Variants in ARNT observed in about 807,000 individuals in gnomAD.
The protein encoded by ARNT is class E basic helix-loop-helix protein 2.
A neutral mutation model predicts 105.0 loss-of-function variants in ARNT; 30 were observed. The observed-to-expected ratio is 0.29, with a 90% CI of 0.21 to 0.39. The LOEUF (loss-of-function observed/expected upper bound fraction) is 0.39. ARNT is among the 10% of genes least tolerant of loss of function. The pLI is 1.00. For synonymous variants in ARNT, 304 were observed against 344.0 expected (o/e 0.88, Z 1.29); for missense variants, 748 against 978.7 (o/e 0.76, Z 3.15).
chr1:150,817,803 A>T, intron 15 of ARNT, 117 bp downstream of exon 15: 6 of 804,470 alleles, frequency 7.5e-6, no homozygotes, highest in Non-Finnish European at 1.1e-5. Flanking sequence ...ATGAGAGCAA[A>T]ACTCCTTCTC....
intron 2 of ARNT, 83 bp from the exon 3 acceptor site, chr1:150,852,889 CG>C (rs1196902557): frequency 3.3e-6 from 5 of 1,507,766 alleles, no homozygotes; most frequent in Non-Finnish European, 3.7e-6. Flanking sequence ...CACAAGCTAC[CG>C]GAACACCCAC....
At chr1:150,851,209 C>G (rs1459089582) in intron 3 of ARNT, among the ~76,000 whole-genome samples, 2 of 149,396 alleles carry the variant, frequency 1.3e-5, no homozygotes, top group Middle Eastern at 3.3e-3. Context: ...GGCCAGCCCC[C>G]GCCCGGCCAG....
At position 150,843,849 on chromosome 1, in the gene ARNT, A is replaced by G. The variant is rs755353089; in HGVS notation, c.228-1381T>C. On this transcript the variant is annotated intron_variant, in intron 4 of 21. Transcript: ENST00000358595. ...TAAGACCCTCTATATCCCAAGGAGG[A>G]TATGTGAGGGGCACTACCTTAACAC... Among the ~76,000 whole-genome samples the G allele has an allele frequency of 2.6e-5, 4 of 152,280 alleles. No homozygotes were observed. In the South Asian group the frequency reaches 6.2e-4, roughly 24 times the overall value.
chr1:150,846,714 T>C (rs889022115), intron 3 of ARNT, among the ~76,000 whole-genome samples: 1 of 152,184 alleles, frequency 6.6e-6, no homozygotes, highest in African/African-American at 2.4e-5. Context: ...AACAGATATC[T>C]AGAACTTTTT....
chr1:150,815,801 T>C (rs1055369172), intron 19 of ARNT, among the ~76,000 whole-genome samples: 1 of 150,684 alleles, frequency 6.6e-6, no homozygotes, highest in Non-Finnish European at 1.5e-5. Flanking sequence ...GAGGCAGAGC[T>C]TGCAGTGAGC....
chr1:150,817,263 A>AT, intron 16 of ARNT, 61 bp from the exon 17 acceptor site: 1 of 1,612,308 alleles, frequency 6.2e-7, no homozygotes, highest in Non-Finnish European at 8.5e-7. Flanking sequence ...CAATAACCCT[A>AT]AAATTCATAT....
intron 13 of ARNT, among the ~76,000 whole-genome samples, chr1:150,825,493 G>A (rs1292915559): frequency 2.0e-5 from 3 of 152,114 alleles, no homozygotes; most frequent in African/African-American, 4.8e-5. Context: ...TCAGGAGCTG[G>A]AGCCTGAGAA....
chr1:150,826,069 A>G lies in ARNT; in HGVS notation c.1242+474T>C, dbSNP rs181040868. Among the ~76,000 whole-genome samples, 390 of 152,158 alleles carry G rather than the reference A, an allele frequency of 2.6e-3. 1 individual carries two copies. The highest frequency in any genetic ancestry group is 6.8e-3 in the Middle Eastern group (2 of 294). The stretch of plus-strand genomic sequence containing the variant: ...CCTGGGATTACAGGCATGCACCACC[A>G]TACCAGGCTAATTTTTTGTATTTTT... On this transcript the variant is annotated intron_variant, in intron 13 of 21. Transcript: ENST00000358595.
At chr1:150,813,056 C>G in intron 21 of ARNT, 116 bp downstream of exon 21, 1 of 1,187,078 alleles carries the variant, frequency 8.4e-7, no homozygotes, top group Non-Finnish European at 1.2e-6. Flanking sequence ...TCTGTCTTCT[C>G]ACATATACCC....
At chr1:150,868,949 C>A (rs775435499) in intron 1 of ARNT, among the ~76,000 whole-genome samples, 1 of 151,302 alleles carries the variant, frequency 6.6e-6, no homozygotes, top group African/African-American at 2.4e-5. Context: ...GGCAACATAG[C>A]GAGATCCTGT....
intron 1 of ARNT, among the ~76,000 whole-genome samples, chr1:150,870,444 G>C (rs1443258651): frequency 6.6e-6 from 1 of 152,068 alleles, no homozygotes; most frequent in African/African-American, 2.4e-5. Context: ...GCAATGCTCT[G>C]GTAAACAAGG....
intron 3 of ARNT, among the ~76,000 whole-genome samples, chr1:150,848,993 C>A (rs945040115): frequency 2.0e-5 from 3 of 151,990 alleles, no homozygotes; most frequent in African/African-American, 7.2e-5. Flanking sequence ...CACCTGAGGT[C>A]GGCAGTTCAA....
rs1376296094 is a variant in ARNT at position 150,809,904 on chromosome 1, C to T, written c.*2117G>A. On this transcript the variant is annotated 3_prime_UTR_variant, in exon 22 of 22. Coordinates refer to ENST00000358595, the MANE Select transcript of ARNT (RefSeq NM_001668.4). The stretch of plus-strand genomic sequence containing the variant: ...TCAGAATGTGTCAGGATCAGGAGGA[C>T]AAGTGAGGGGGGAGGCGTGCAATGT... 1 of 223,780 alleles carries T rather than the reference C, an allele frequency of 4.5e-6. No homozygotes were observed. Among genetic ancestry groups the T allele is most frequent in the African/African-American group, 2.2e-5 (1 of 44,694 alleles). 13.9% of individuals were successfully genotyped at this position (223,780 alleles called of 1,614,324 possible). A position where few individuals can be genotyped will look rare whatever the true frequency, so the allele number is the denominator to read the frequency against.
intron 1 of ARNT, among the ~76,000 whole-genome samples, chr1:150,873,232 T>C (rs1571556696): frequency 6.6e-6 from 1 of 150,916 alleles, no homozygotes; most frequent in Non-Finnish European, 1.5e-5. Flanking sequence ...GAGCTTGCAG[T>C]GAGCCAAGAT....
chr1:150,867,204 T>TAAA (rs1328301944), intron 1 of ARNT, among the ~76,000 whole-genome samples: 1 of 128,038 alleles, frequency 7.8e-6, no homozygotes, highest in African/African-American at 2.7e-5. Context: ...ACTCTGTCTT[T>TAAA]AAAAAAAACA....
intron 1 of ARNT, among the ~76,000 whole-genome samples, chr1:150,862,911 C>T (rs1665901905): frequency 1.3e-5 from 2 of 151,614 alleles, no homozygotes; most frequent in African/African-American, 4.8e-5. Flanking sequence ...ATTAGCCAGG[C>T]ATGGTGGCGC....
chr1:150,813,156 C>T lies in ARNT; in HGVS notation c.2280+16G>A. Reference sequence around the variant, plus strand: ...CTCCCAGCTTCTAATTTTTGAAAGTCTTTTCACTCTCTTACCTGGAAGACC... The same window carrying T: ...CTCCCAGCTTCTAATTTTTGAAAGTTTTTTCACTCTCTTACCTGGAAGACC... On this transcript the variant is annotated intron_variant, in intron 21 of 21. Transcript: ENST00000358595. 1 of 1,607,944 alleles carries T rather than the reference C, an allele frequency of 6.2e-7. No individual in the cohort carries two copies. Among genetic ancestry groups the T allele is most frequent in the Non-Finnish European group, 8.5e-7 (1 of 1,176,898 alleles).
rs7533914 is a variant in ARNT, at chr1:150,822,580, A to C, written c.1394+614T>G. ...CCCAGAAAGGGTCTGAAAGCTCTGC[A>C]CTCCTTCCTCCTTACCTTGCCCTAT... On this transcript the variant is annotated intron_variant, in intron 14 of 21. Transcript: ENST00000358595. Among the ~76,000 whole-genome samples, 11 of 152,304 alleles carry C rather than the reference A, an allele frequency of 7.2e-5. No homozygotes were observed. In the East Asian group the frequency reaches 2.1e-3, roughly 29 times the overall value.
Position 150,810,957 on chromosome 1 carries a change from C to G in ARNT, c.*1064G>C. ...GAGGGCTTCGTATTTGGTTTACACT[C>G]CAACAATGAGGATTTTCACTGGGAC... On this transcript the variant is annotated 3_prime_UTR_variant, in exon 22 of 22. Coordinates refer to ENST00000358595, the MANE Select transcript of ARNT (RefSeq NM_001668.4). The G allele has an allele frequency of 4.4e-6, 1 of 229,272 alleles. No individual in the cohort carries two copies. Among genetic ancestry groups the G allele is most frequent in the Non-Finnish European group, 8.7e-6 (1 of 115,232 alleles). 14.2% of individuals were successfully genotyped at this position (229,272 alleles called of 1,614,324 possible). A position where few individuals can be genotyped will look rare whatever the true frequency, so the allele number is the denominator to read the frequency against.
Sources: allele counts gnomAD v4.1 joint callset (sites outside exome capture counted in the v4.1 genomes callset), GRCh38; gene constraint gnomAD v4.1.1; transcripts MANE v1.5; gene names NCBI Gene and HGNC (gene_info 2026-07-23, HGNC 2026-07-21).